The following STRA8 variants were observed in gnomAD, a reference collection of about 807,000 sequenced individuals.
STRA8 encodes stimulated by retinoic acid gene 8 protein homolog.
STRA8 carries 18 observed loss-of-function variants against 37.1 expected under a neutral mutation model. The ratio of observed to expected loss-of-function variants is 0.48; its 90% CI spans 0.34 to 0.72. STRA8 has a LOEUF of 0.72. Among genes scored for constraint, STRA8 ranks in the 30% least tolerant of loss-of-function variants. The pLI, the probability that STRA8 is intolerant of heterozygous loss-of-function variation, is 0.01. For missense variants in STRA8, 357 were observed against 410.4 expected (o/e 0.87, Z 1.13); for synonymous variants, 168 against 162.9 (o/e 1.03, Z -0.24).
At position 135,245,393 on chromosome 7, in the gene STRA8, A is replaced by T; in HGVS notation, c.459A>T (p.Gln153His). ...EEEEDEEEEDQEEEEEEEEEE... is the reference protein window; with the variant it reads ...EEEEDEEEEDHEEEEEEEEEE... Reference sequence around the variant, plus strand: ...AGGAAGATGAGGAAGAGGAAGATCAAGAAGAAGAGGAGGAGGAAGAAGAAG... The same window carrying T: ...AGGAAGATGAGGAAGAGGAAGATCATGAAGAAGAGGAGGAGGAAGAAGAAG... Residue 153 changes from glutamine (Q) to histidine (H), a missense_variant, in exon 5 of 9, where the codon CAA becomes CAT. Coordinates refer to ENST00000662584, the MANE Select transcript of STRA8 (RefSeq NM_001394401.1). The T allele has an allele frequency of 1.3e-6, 1 of 747,718 alleles. No homozygotes were observed. The highest frequency in any genetic ancestry group is 2.5e-6 in the Non-Finnish European group (1 of 406,098). 46.3% of individuals were successfully genotyped at this position (747,718 alleles called of 1,614,324 possible). A position where few individuals can be genotyped will look rare whatever the true frequency, so the allele number is the denominator to read the frequency against.
chr7:135,256,852 C>G (rs1056727710), intron 8 of STRA8, among the ~76,000 whole-genome samples: 2 of 152,184 alleles, frequency 1.3e-5, no homozygotes, highest in African/African-American at 4.8e-5. Context: ...CTTCAGCACT[C>G]CTAGATTCCC....
chr7:135,247,491 A>C (rs1247593644), intron 6 of STRA8, among the ~76,000 whole-genome samples: 1 of 152,168 alleles, frequency 6.6e-6, no homozygotes, highest in Non-Finnish European at 1.5e-5. Context: ...ACTCTACATC[A>C]GGTAAGACAA....
At chr7:135,245,610 A>T (rs1585474194) in intron 5 of STRA8, among the ~76,000 whole-genome samples, 83 bp downstream of exon 5, 1 of 152,162 alleles carries the variant, frequency 6.6e-6, no homozygotes, top group East Asian at 1.9e-4. Context: ...TGGCTGGGGT[A>T]TGCTGCAGCT....
Position 135,253,536 on chromosome 7 carries a change from G to C in STRA8, c.954-1578G>C, listed in dbSNP as rs937366382. ...AGGGGACTCTCTGAGTTCTGCAAAG[G>C]GGGGTTGCTGCTTTTCATGGTGCTG... On this transcript the variant is annotated intron_variant, in intron 7 of 8. Coordinates refer to ENST00000662584, the MANE Select transcript of STRA8 (RefSeq NM_001394401.1). Among the ~76,000 whole-genome samples the C allele has an allele frequency of 2.0e-5, 3 of 152,176 alleles. No individual in the cohort carries two copies. The East Asian group carries it at 5.8e-4, about 29-fold the overall frequency.
intron 1 of STRA8, among the ~76,000 whole-genome samples, chr7:135,235,532 C>T (rs991027113): frequency 1.3e-5 from 2 of 151,590 alleles, no homozygotes; most frequent in Admixed American, 1.3e-4. Flanking sequence ...ACCTCCAACT[C>T]CTGGGTTCAA....
intron 7 of STRA8, among the ~76,000 whole-genome samples, chr7:135,254,036 C>T (rs1026766219): frequency 3.9e-5 from 6 of 152,132 alleles, no homozygotes; most frequent in African/African-American, 1.4e-4. Flanking sequence ...CCTAGATGGA[C>T]TTGGGGAGAA....
chr7:135,255,195 C>G lies in STRA8; in HGVS notation c.1035C>G (p.Gly345=), dbSNP rs1562974579. Residue 345 remains glycine (G), a synonymous_variant, in exon 8 of 9, where the codon GGC becomes GGG. Coordinates refer to ENST00000662584, the MANE Select transcript of STRA8 (RefSeq NM_001394401.1). ...TGCAGATCATCAACTTTTTTAAAGGCCTTAGCTGTGCAAACACTCAAGTAA... is the reference window on the plus strand; with the variant it reads ...TGCAGATCATCAACTTTTTTAAAGGGCTTAGCTGTGCAAACACTCAAGTAA... The part of the protein sequence containing the change: ...LYMQIINFFK[G]LSCANTQVKQ... 1 of 1,613,866 alleles carries G rather than the reference C, an allele frequency of 6.2e-7. No individual in the cohort carries two copies. The highest frequency in any genetic ancestry group is 1.3e-5 in the African/African-American group (1 of 75,028).
intron 7 of STRA8, among the ~76,000 whole-genome samples, chr7:135,253,307 G>A (rs1014478290): frequency 6.6e-6 from 1 of 152,020 alleles, no homozygotes; most frequent in African/African-American, 2.4e-5. Flanking sequence ...ATGATCTCCC[G>A]GAGTCCCCCA....
rs188938701 is a variant in STRA8, at chr7:135,249,225, G to T, written c.879+2523G>T. 2.9e-3 allele frequency among the ~76,000 whole-genome samples: 438 copies of T among 152,268 alleles called. 1 individual carries two copies. Among genetic ancestry groups the T allele is most frequent in the Non-Finnish European group, 3.9e-3 (263 of 68,030 alleles). On this transcript the variant is annotated intron_variant, in intron 6 of 8. Transcript: ENST00000662584. ...ATATTGGCATTGCACATCAAGTAGG[G>T]TAAATAATTGATATTCAGTAATGGA... is the stretch of plus-strand genomic sequence containing the variant.
intron 7 of STRA8, among the ~76,000 whole-genome samples, chr7:135,252,631 G>C (rs1164446857): frequency 6.6e-6 from 1 of 152,142 alleles, no homozygotes; most frequent in Non-Finnish European, 1.5e-5. Flanking sequence ...GACATACCAG[G>C]TTATCAGCTG....
chr7:135,246,111 C>T lies in STRA8; in HGVS notation c.594-306C>T. 2.4e-6 allele frequency: 1 copy of T among 421,520 alleles called. No individual in the cohort carries two copies. The highest frequency in any genetic ancestry group is 4.3e-6 in the Non-Finnish European group (1 of 231,996). The allele number at this position is 421,520 out of a possible 1,614,324, so 26.1% of individuals were successfully genotyped here. ...GGGCTCAGAATTTTCAAGAATATTC[C>T]CTTAGGATGAGAGCTGAGGCAGCTA... On this transcript the variant is annotated intron_variant, in intron 5 of 8. Transcript: ENST00000662584. The surrounding 1 kb of genome is among the most constrained non-coding windows in gnomAD (Gnocchi z 5.4).
chr7:135,254,802 A>G (rs1243055633), intron 7 of STRA8, among the ~76,000 whole-genome samples: 1 of 152,366 alleles, frequency 6.6e-6, no homozygotes, highest in Non-Finnish European at 1.5e-5. Flanking sequence ...CAGTGGAACC[A>G]GAACTGTGGG....
upstream of STRA8, chr7:135,232,066 C>T: frequency 6.2e-7 from 1 of 1,611,442 alleles, no homozygotes; most frequent in Non-Finnish European, 8.5e-7. Context: ...TAACTTTCCC[C>T]CCAGGACTAC....
intron 2 of STRA8, among the ~76,000 whole-genome samples, chr7:135,241,113 A>T (rs1832458469): frequency 6.6e-6 from 1 of 152,084 alleles, no homozygotes; most frequent in Non-Finnish European, 1.5e-5. Context: ...GTCTCAACAT[A>T]CTAAATTTTG....
chr7:135,251,738 G>A (rs750563491), intron 6 of STRA8, 58 bp from the exon 7 acceptor site: 10 of 1,567,898 alleles, frequency 6.4e-6, no homozygotes, highest in Non-Finnish European at 7.9e-6. Context: ...AGCAGCCCAG[G>A]GCAAGCATGA....
Position 135,243,505 on chromosome 7 carries a change from G to A in STRA8, c.353+95G>A. The A allele has an allele frequency of 4.4e-6, 5 of 1,128,892 alleles. No individual in the cohort carries two copies. The African/African-American group carries it at 4.7e-5, about 11-fold the overall frequency. 69.9% of individuals were successfully genotyped at this position (1,128,892 alleles called of 1,614,324 possible). On this transcript the variant is annotated intron_variant, in intron 4 of 8. Transcript: ENST00000662584. The stretch of plus-strand genomic sequence containing the variant: ...GCAACTCACCCTTCCTCTCCAGCCT[G>A]CAGGACCATCAGGGCTGCTGCTCAC...
At chr7:135,252,013 AGTGTGTGTGTGTGT>A (rs59621186) in intron 7 of STRA8, 144 bp downstream of exon 7, 2 of 505,292 alleles carry the variant, frequency 4.0e-6, no homozygotes, top group South Asian at 4.1e-5. Context: ...AGAGAGAGAG[AGTGTGTGTGTGTGT>A]GTGTGTGTGT....
At chr7:135,249,200 A>G (rs1280056132) in intron 6 of STRA8, among the ~76,000 whole-genome samples, 1 of 152,232 alleles carries the variant, frequency 6.6e-6, no homozygotes, top group Non-Finnish European at 1.5e-5. Flanking sequence ...ATGGCACTCG[A>G]TATTGGCATT....
intron 8 of STRA8, among the ~76,000 whole-genome samples, chr7:135,256,983 T>G (rs1832711641): frequency 6.6e-6 from 1 of 152,198 alleles, no homozygotes; most frequent in Non-Finnish European, 1.5e-5. Flanking sequence ...AAAAGTTGCA[T>G]TCTCCTCCCA....
Sources: gnomAD v4.1 joint callset for allele counts (sites outside exome capture counted in the v4.1 genomes callset) on GRCh38, gnomAD v4.1.1 for gene constraint, Gnocchi (gnomAD v3.1) non-coding constraint, MANE v1.5 for transcripts, NCBI Gene and HGNC (gene_info 2026-07-23, HGNC 2026-07-21) for gene names.